NRG1: variants seen among roughly 807,000 people sequenced by gnomAD.
NRG1 encodes neuregulin 1, also known as pro-neuregulin-1, membrane-bound isoform.
A neutral mutation model predicts 63.8 loss-of-function variants in NRG1; 18 were observed. The ratio of observed to expected loss-of-function variants is 0.28; its 90% confidence interval spans 0.19 to 0.42. The LOEUF (loss-of-function observed/expected upper bound fraction) is 0.42, where lower values mean the gene tolerates loss of function less well. Among genes scored for constraint, NRG1 ranks in the 10% least tolerant of loss-of-function variants. The pLI, the probability that NRG1 is intolerant of heterozygous loss-of-function variation, is 1.00. For synonymous variants in NRG1, 302 were observed against 301.3 expected (o/e 1.00, Z -0.02); for missense variants, 762 against 814.7 (o/e 0.94, Z 0.79).
chr8:32,469,004 G>A (rs989898819), intron 1 of NRG1, among the ~76,000 whole-genome samples: 1 of 152,170 alleles, frequency 6.6e-6, no homozygotes, highest in Non-Finnish European at 1.5e-5. Flanking sequence ...TAGCACAGCA[G>A]TCAAAACCAA....
chr8:32,602,725 T>C (rs1737522773), intron 2 of NRG1, among the ~76,000 whole-genome samples: 1 of 152,186 alleles, frequency 6.6e-6, no homozygotes, highest in African/African-American at 2.4e-5. Flanking sequence ...TTCATGGTTA[T>C]ACATGAAAAT....
intron 1 of NRG1, among the ~76,000 whole-genome samples, chr8:32,528,634 G>A (rs1387547968): frequency 1.3e-5 from 2 of 152,152 alleles, no homozygotes; most frequent in Admixed American, 6.5e-5. Flanking sequence ...ACTGCTTAGA[G>A]TAGATAATAG....
chr8:32,430,975 T>C (rs1374850757), intron 1 of NRG1, among the ~76,000 whole-genome samples: 1 of 152,166 alleles, frequency 6.6e-6, no homozygotes, highest in African/African-American at 2.4e-5. Context: ...ACCATAATAA[T>C]AACTAGCATT....
chr8:32,548,252 G>C (rs1052460900), upstream of NRG1: 11 of 985,972 alleles, frequency 1.1e-5, no homozygotes, highest in Non-Finnish European at 1.3e-5. Context: ...CCTCCAACCT[G>C]CGGGCGGGAG....
chr8:32,726,917 A>ATT (rs34397296), intron 5 of NRG1, among the ~76,000 whole-genome samples: 6 of 146,824 alleles, frequency 4.1e-5, no homozygotes, highest in Non-Finnish European at 6.0e-5. Flanking sequence ...CTAAAGATGG[A>ATT]TTTTTTTTTT....
intron 1 of NRG1, among the ~76,000 whole-genome samples, chr8:32,347,124 C>T (rs1685105): frequency 0.15 from 22,647 of 152,054 alleles, 2,464 homozygotes; most frequent in East Asian, 0.58. Flanking sequence ...CCACCGTGCC[C>T]GGCCAAGCAT....
chr8:31,969,769 A>G (rs1806973964), intron 1 of NRG1, among the ~76,000 whole-genome samples: 1 of 152,172 alleles, frequency 6.6e-6, no homozygotes, highest in South Asian at 2.1e-4. Flanking sequence ...CTCAATAAGG[A>G]AAATTAAAAA....
At chr8:31,651,253 C>T (rs28729946) in intron 1 of NRG1, among the ~76,000 whole-genome samples, 1 of 152,044 alleles carries the variant, frequency 6.6e-6, no homozygotes, top group Admixed American at 6.5e-5. Flanking sequence ...CATTCGCTGG[C>T]ATCGTCTTTT....
intron 3 of NRG1, among the ~76,000 whole-genome samples, chr8:32,607,929 T>G (rs1199623321): frequency 6.6e-6 from 1 of 152,130 alleles, no homozygotes; most frequent in Non-Finnish European, 1.5e-5. Flanking sequence ...GCAATGCAAG[T>G]TGGCCTTCTT....
At chr8:32,239,861 A>G (rs1003653508) in intron 1 of NRG1, among the ~76,000 whole-genome samples, 1 of 152,164 alleles carries the variant, frequency 6.6e-6, no homozygotes, top group African/African-American at 2.4e-5. Context: ...ATGAGATAGC[A>G]CTATCTACCT....
intron 1 of NRG1, among the ~76,000 whole-genome samples, chr8:32,156,851 G>T (rs1249483088): frequency 6.6e-6 from 1 of 152,138 alleles, no homozygotes; most frequent in Non-Finnish European, 1.5e-5. Context: ...TGAGAGGACT[G>T]CATGAGCCTA....
At chr8:31,806,171 C>T (rs1282297515) in intron 1 of NRG1, among the ~76,000 whole-genome samples, 1 of 152,042 alleles carries the variant, frequency 6.6e-6, no homozygotes, top group East Asian at 1.9e-4. Context: ...AGAAAAGGTA[C>T]ATGATAATGA....
intron 1 of NRG1, among the ~76,000 whole-genome samples, chr8:32,151,028 G>A (rs919875631): frequency 2.6e-5 from 4 of 152,130 alleles, no homozygotes; most frequent in Admixed American, 6.5e-5. Flanking sequence ...TAGCAAAACT[G>A]TAAACTTGAA....
chr8:32,094,710 A>G (rs1215553460), intron 1 of NRG1, among the ~76,000 whole-genome samples: 1 of 151,880 alleles, frequency 6.6e-6, no homozygotes, highest in Non-Finnish European at 1.5e-5. Context: ...CTCCCACCCT[A>G]TCCTTTGGTT....
At chr8:32,089,162 T>C (rs977808004) in intron 1 of NRG1, among the ~76,000 whole-genome samples, 1 of 152,182 alleles carries the variant, frequency 6.6e-6, no homozygotes, top group Admixed American at 6.5e-5. Context: ...CTTCTGTCAT[T>C]GCACGCAGCG....
rs191551666 is a variant in NRG1 at position 32,662,275 on chromosome 8, T to C, written c.502+45390T>C. Among the ~76,000 whole-genome samples, 911 of 152,306 alleles carry C rather than the reference T, an allele frequency of 6.0e-3. 9 individuals carry two copies. The highest frequency in any genetic ancestry group is 0.021 in the African/African-American group (874 of 41,564). ...TAATGGAGTTAACCATATGGCCATA[T>C]GGAAGAATGTTCCAGACTCTGGGAA... On this transcript the variant is annotated intron_variant, in intron 5 of 11. Coordinates refer to ENST00000356819, the Ensembl canonical transcript of NRG1.
intron 1 of NRG1, among the ~76,000 whole-genome samples, chr8:32,486,081 C>A (rs181882184): frequency 5.7e-4 from 87 of 152,148 alleles, no homozygotes; most frequent in African/African-American, 1.8e-3. Flanking sequence ...GCGCTCCCCC[C>A]CTCCCCATGC....
At chr8:32,369,541 GCT>G (rs1427236832) in intron 1 of NRG1, among the ~76,000 whole-genome samples, 1 of 152,194 alleles carries the variant, frequency 6.6e-6, no homozygotes, top group Non-Finnish European at 1.5e-5. Flanking sequence ...ACTCTTACCA[GCT>G]CTCTCTAGTA....
At chr8:32,388,235 A>G (rs1811271703) in intron 1 of NRG1, among the ~76,000 whole-genome samples, 1 of 152,224 alleles carries the variant, frequency 6.6e-6, no homozygotes, top group Non-Finnish European at 1.5e-5. Flanking sequence ...TTACATAGGT[A>G]AGTGAATCAA....
Sources: allele counts gnomAD v4.1 joint callset (sites outside exome capture counted in the v4.1 genomes callset), GRCh38; gene constraint gnomAD v4.1.1; transcripts MANE v1.5; gene names NCBI Gene and HGNC (gene_info 2026-07-23, HGNC 2026-07-21).